KCNG2: variants seen among roughly 807,000 people sequenced by gnomAD.
KCNG2 encodes the protein voltage-gated potassium channel regulatory subunit KCNG2.
In KCNG2, 7 loss-of-function variants were observed where a neutral mutation model predicts 12.3. The observed-to-expected ratio is 0.57, with a 90% CI of 0.32 to 1.07. The LOEUF (loss-of-function observed/expected upper bound fraction) is 1.07, where lower values mean the gene tolerates loss of function less well. Ranked by LOEUF, KCNG2 falls within the 50% of genes least tolerant of loss-of-function variation. KCNG2 has a pLI of 0.04. For synonymous variants in KCNG2, 414 were observed against 351.4 expected, an observed-to-expected ratio of 1.18 and a Z score of -1.99; for missense variants, 703 against 726.0, an observed-to-expected ratio of 0.97 and a Z score of 0.36.
chr18:79,836,040 G>A (rs976185392), intron 1 of KCNG2, among the ~76,000 whole-genome samples: 1 of 152,216 alleles, frequency 6.6e-6, no homozygotes, highest in Non-Finnish European at 1.5e-5. Flanking sequence ...TTTAGTAGGT[G>A]TAAATTGTGT....
Position 79,835,467 on chromosome 18 carries a change from C to G in KCNG2, c.-114-20912C>G, listed in dbSNP as rs535835459. Among the ~76,000 whole-genome samples, 6 of 151,982 alleles carry G rather than the reference C, an allele frequency of 3.9e-5. No homozygotes were observed. In the South Asian group the frequency reaches 1.2e-3, roughly 31 times the overall value. On this transcript the variant is annotated intron_variant, in intron 1 of 3. Transcript: ENST00000316249. ...TGAAACAGATGAGAAATAGTCTCAG[C>G]AAAGGAATAGAAGATATAAAATAAA... is the stretch of plus-strand genomic sequence containing the variant.
At chr18:79,832,845 C>G (rs954163426) in intron 1 of KCNG2, among the ~76,000 whole-genome samples, 1 of 152,166 alleles carries the variant, frequency 6.6e-6, no homozygotes, top group Non-Finnish European at 1.5e-5. Flanking sequence ...CCTGTGGCTC[C>G]TCTGGGAGGG....
rs1434801341 is a variant in KCNG2, at chr18:79,797,975, G to C, written c.-154G>C. On this transcript the variant is annotated 5_prime_UTR_variant, in exon 1 of 4. Coordinates refer to ENST00000316249, the MANE Select transcript of KCNG2 (RefSeq NM_012283.2). ...CTCCGCCCCGAGGAGGCCGCCGGCCGGGTAAGCGGAGCCCGGAGCTCGCGG... is the reference window on the plus strand; with the variant it reads ...CTCCGCCCCGAGGAGGCCGCCGGCCCGGTAAGCGGAGCCCGGAGCTCGCGG... Among the ~76,000 whole-genome samples, 1 of 151,840 alleles carries C rather than the reference G, an allele frequency of 6.6e-6. No individual in the cohort carries two copies. The highest frequency in any genetic ancestry group is 1.5e-5 in the Non-Finnish European group (1 of 67,890).
chr18:79,880,687 G>A lies in KCNG2; in HGVS notation c.624+16396G>A, dbSNP rs936160214. On this transcript the variant is annotated intron_variant, in intron 3 of 3. Coordinates refer to ENST00000316249, the MANE Select transcript of KCNG2 (RefSeq NM_012283.2). ...ACCAGTGTCTCCCATGAACTCATGC[G>A]AAACTCCTCAACAAAACATCAGTAA... 3.9e-5 allele frequency among the ~76,000 whole-genome samples: 6 copies of A among 152,264 alleles called. 1 individual carries two copies. The Middle Eastern group carries it at 0.01, about 259-fold the overall frequency.
rs1011879235 is a variant in KCNG2 at position 79,800,936 on chromosome 18, T to C, written c.-115+2922T>C. Among the ~76,000 whole-genome samples the C allele has an allele frequency of 3.3e-5, 5 of 152,244 alleles. No individual in the cohort carries two copies. Among genetic ancestry groups the C allele is most frequent in the Non-Finnish European group, 1.5e-5 (1 of 68,046 alleles). On this transcript the variant is annotated intron_variant, in intron 1 of 3. Coordinates refer to ENST00000316249, the MANE Select transcript of KCNG2 (RefSeq NM_012283.2). This position sits in a 1 kb window ranked among gnomAD's most constrained non-coding sequence, Gnocchi z 4.0. ...CTTATCAACAGCAGGTTCAGCCTTT[T>C]CACGTGATGGGAGACCATGCCAGGC... is the stretch of plus-strand genomic sequence containing the variant.
chr18:79,863,319 TTTGCGTCGATTTGTGAAAGC>T (rs946108621), intron 2 of KCNG2, among the ~76,000 whole-genome samples: 7 of 152,098 alleles, frequency 4.6e-5, no homozygotes, highest in African/African-American at 1.7e-4. Context: ...CTCTTTGGAG[TTTGCGTCGATTTGTGAAAGC>T]TCCGTTCGAC....
At chr18:79,805,942 C>T (rs529219826) in intron 1 of KCNG2, among the ~76,000 whole-genome samples, 1 of 152,296 alleles carries the variant, frequency 6.6e-6, no homozygotes, top group South Asian at 2.1e-4. Context: ...TGATGAGAGA[C>T]TGGAGTGAAG....
rs760256221 is a variant in KCNG2 at position 79,899,329 on chromosome 18, C to A, written c.914C>A (p.Ser305Ter). The change falls in exon 4 of 4, where the codon TCG (serine) becomes TAG (stop). Residue 305 changes from serine to a stop codon, truncating the protein, a stop_gained. Transcript: ENST00000316249. LOFTEE classifies it low-confidence loss of function (END_TRUNC). ...TACGTGATGCGCCTGGCGCGCCACTCGCTGGGGCTGCGTTCGCTGGGCCTG... is the reference window on the plus strand; with the variant it reads ...TACGTGATGCGCCTGGCGCGCCACTAGCTGGGGCTGCGTTCGCTGGGCCTG... ...VLYVMRLARH[S>*]LGLRSLGLTM... The A allele has an allele frequency of 3.2e-6, 5 of 1,552,534 alleles. No homozygotes were observed. The South Asian group carries it at 5.9e-5, about 18-fold the overall frequency.
At chr18:79,866,202 G>A (rs1157316147) in intron 3 of KCNG2, among the ~76,000 whole-genome samples, 3 of 149,110 alleles carry the variant, frequency 2.0e-5, no homozygotes, top group African/African-American at 7.4e-5. Context: ...TGAAGTCTGC[G>A]TGCTGAGAAG....
chr18:79,867,332 A>G (rs989826472), intron 3 of KCNG2, among the ~76,000 whole-genome samples: 10 of 151,654 alleles, frequency 6.6e-5, no homozygotes, highest in Admixed American at 3.9e-4. Context: ...GGGTCAACCT[A>G]TGTTACCATG....
intron 1 of KCNG2, among the ~76,000 whole-genome samples, chr18:79,845,410 A>T (rs1020256844): frequency 3.9e-5 from 6 of 152,128 alleles, no homozygotes; most frequent in African/African-American, 7.2e-5. Context: ...CACGGGGAAA[A>T]CTGAGTAAAG....
intron 1 of KCNG2, among the ~76,000 whole-genome samples, chr18:79,851,764 TGA>T (rs1978830688): frequency 4.2e-5 from 1 of 23,760 alleles, no homozygotes; most frequent in African/African-American, 4.6e-5. Flanking sequence ...TGTGTGTGTG[TGA>T]CTGTGAATGC....
intron 1 of KCNG2, among the ~76,000 whole-genome samples, chr18:79,798,869 C>G (rs2087385617): frequency 6.6e-6 from 1 of 152,214 alleles, no homozygotes. Flanking sequence ...TTCCCCTAAA[C>G]CCACAAGTCC....
At chr18:79,898,943 C>T (rs2123139698) in intron 3 of KCNG2, 97 bp from the exon 4 acceptor site, 2 of 914,770 alleles carry the variant, frequency 2.2e-6, no homozygotes, top group East Asian at 3.0e-5. Flanking sequence ...GGAAGGGTGG[C>T]CTGGGGGACG....
At chr18:79,847,274 C>T (rs559140387) in intron 1 of KCNG2, among the ~76,000 whole-genome samples, 6 of 152,288 alleles carry the variant, frequency 3.9e-5, no homozygotes, top group Non-Finnish European at 5.9e-5. Flanking sequence ...GAACTGTGGA[C>T]GTTTGGGGTC....
At chr18:79,863,550 G>A (rs1568260611) in intron 2 of KCNG2, 78 bp from the exon 3 acceptor site, 3 of 1,082,204 alleles carry the variant, frequency 2.8e-6, no homozygotes, top group Non-Finnish European at 3.4e-6. Context: ...GTGCCGGCCC[G>A]GCCCCTGGAT....
intron 1 of KCNG2, among the ~76,000 whole-genome samples, chr18:79,821,756 T>G (rs561277802): frequency 6.6e-6 from 1 of 152,248 alleles, no homozygotes; most frequent in East Asian, 1.9e-4. Flanking sequence ...GTAGGGCTCA[T>G]CTCTGGGCGT....
At position 79,803,304 on chromosome 18, in the gene KCNG2, C is replaced by T. The variant is rs2087425331; in HGVS notation, c.-115+5290C>T. Among the ~76,000 whole-genome samples, 1 of 152,226 alleles carries T rather than the reference C, an allele frequency of 6.6e-6. No individual in the cohort carries two copies. Among genetic ancestry groups the T allele is most frequent in the Non-Finnish European group, 1.5e-5 (1 of 68,038 alleles). ...GTAGTCACAGGGCAGGGCCAGCCCC[C>T]TCACCTCTAGGCCTCCAGTTCTTCT... On this transcript the variant is annotated intron_variant, in intron 1 of 3. Coordinates refer to ENST00000316249, the MANE Select transcript of KCNG2 (RefSeq NM_012283.2). This position sits in a 1 kb window ranked among gnomAD's most constrained non-coding sequence, Gnocchi z 4.5.
At chr18:79,871,513 A>T (rs997762671) in intron 3 of KCNG2, among the ~76,000 whole-genome samples, 1 of 151,938 alleles carries the variant, frequency 6.6e-6, no homozygotes, top group Non-Finnish European at 1.5e-5. Flanking sequence ...TCCATGTGGT[A>T]TAACAAGGGC....
Sources: gnomAD v4.1 joint callset for allele counts (sites outside exome capture counted in the v4.1 genomes callset) on GRCh38, gnomAD v4.1.1 for gene constraint, Gnocchi (gnomAD v3.1) non-coding constraint, MANE v1.5 for transcripts, NCBI Gene and HGNC (gene_info 2026-07-23, HGNC 2026-07-21) for gene names.